The following EPHA5 variants were observed in gnomAD, a reference collection of about 807,000 sequenced individuals.
EPHA5 encodes EPH receptor A5.
Under a neutral mutation model 105.0 loss-of-function variants are expected in EPHA5, and 60 were observed. The ratio of observed to expected loss-of-function variants is 0.57; its 90% confidence interval spans 0.46 to 0.71. EPHA5 has a LOEUF of 0.71. Among genes scored for constraint, EPHA5 ranks in the 30% least tolerant of loss-of-function variants. The pLI is 0.00. For missense variants in EPHA5, 1,218 were observed against 1,274.7 expected, an observed-to-expected ratio of 0.96 and a Z score of 0.68; for synonymous variants, 513 against 449.1, an observed-to-expected ratio of 1.14 and a Z score of -1.80.
In EPHA5 at chr4:65,320,827, A is replaced by T. The variant is rs1395200349; in HGVS notation, c.*3287T>A. 2 of 230,142 alleles carry T rather than the reference A, an allele frequency of 8.7e-6. No individual in the cohort carries two copies. The highest frequency in any genetic ancestry group is 4.4e-5 in the African/African-American group (2 of 45,152). 14.3% of individuals were successfully genotyped at this position (230,142 alleles called of 1,614,324 possible). A position where few individuals can be genotyped will look rare whatever the true frequency, so the allele number is the denominator to read the frequency against. ...ATTCTGTGTTGTTTAGGCAACTCTG[A>T]AACCAATAATGCTGGCCACACTTAA... On this transcript the variant is annotated 3_prime_UTR_variant, in exon 17 of 17. Transcript: ENST00000613740.
chr4:65,370,922 C>G (rs561793947), intron 8 of EPHA5, among the ~76,000 whole-genome samples: 1 of 152,184 alleles, frequency 6.6e-6, no homozygotes, highest in South Asian at 2.1e-4. Flanking sequence ...GAGACTGGTA[C>G]TCAGGCAGCA....
intron 2 of EPHA5, among the ~76,000 whole-genome samples, chr4:65,625,626 G>C (rs1490963425): frequency 2.6e-5 from 4 of 151,884 alleles, no homozygotes; most frequent in African/African-American, 9.7e-5. Context: ...AAAAGAACAT[G>C]GAAAAAATGA....
At chr4:65,640,857 A>C (rs896193444) in intron 2 of EPHA5, among the ~76,000 whole-genome samples, 5 of 152,118 alleles carry the variant, frequency 3.3e-5, no homozygotes, top group African/African-American at 1.2e-4. Flanking sequence ...TGGCCTTATA[A>C]ATTCCAAATA....
At chr4:65,389,621 A>G (rs897834987) in intron 8 of EPHA5, among the ~76,000 whole-genome samples, 7 of 152,052 alleles carry the variant, frequency 4.6e-5, no homozygotes, top group Admixed American at 4.6e-4. Flanking sequence ...TCTGTGCATT[A>G]TCTATGGAGA....
intron 15 of EPHA5, among the ~76,000 whole-genome samples, chr4:65,334,198 T>A (rs1360333840): frequency 1.3e-5 from 2 of 151,982 alleles, no homozygotes; most frequent in African/African-American, 4.8e-5. Context: ...AGGCAAATAC[T>A]TAGGTCTATT....
At chr4:65,419,640 A>G (rs1278203743) in intron 6 of EPHA5, among the ~76,000 whole-genome samples, 1 of 152,152 alleles carries the variant, frequency 6.6e-6, no homozygotes, top group Non-Finnish European at 1.5e-5. Flanking sequence ...TATGCCATTC[A>G]GGTCCAGCCA....
In EPHA5 at chr4:65,479,481, A is replaced by G. The variant is rs187472347; in HGVS notation, c.1402+10896T>C. Among the ~76,000 whole-genome samples the G allele has an allele frequency of 1.8e-3, 269 of 152,286 alleles. 2 individuals are homozygous for G. The highest frequency in any genetic ancestry group is 1.6e-3 in the Non-Finnish European group (109 of 68,014). On this transcript the variant is annotated intron_variant, in intron 5 of 16. Coordinates refer to ENST00000613740, the MANE Select transcript of EPHA5 (RefSeq NM_001281766.3). Reference sequence around the variant, plus strand: ...CACATTTCTTGGTGAAAAAAATAGAACTATATTAGGTACCTTGTATAGGGA... The same window carrying G: ...CACATTTCTTGGTGAAAAAAATAGAGCTATATTAGGTACCTTGTATAGGGA...
rs760801158 is a variant in EPHA5 at position 65,602,072 on chromosome 4, T to A, written c.479A>T (p.Asp160Val). 1.9e-6 allele frequency: 3 copies of A among 1,614,168 alleles called. No homozygotes were observed. The South Asian group carries it at 3.3e-5, about 18-fold the overall frequency. The change falls in exon 3 of 17, where the codon GAT becomes GTT. Residue 160 changes from aspartate (D) to valine (V), a missense_variant. Physicochemically the swap from Asp to Val is radical, Grantham distance 152. Around this residue, in one of 3 missense-constraint regions of EPHA5, gnomAD observed 233 missense variants for 227.5 expected, o/e 1.02. Coordinates refer to ENST00000613740, the MANE Select transcript of EPHA5 (RefSeq NM_001281766.3). ...TTCCTTGATGTTTCTCCCATTCTGATCATCTGACTCAAAGTAATACATATT... is the reference window on the plus strand; with the variant it reads ...TTCCTTGATGTTTCTCCCATTCTGAACATCTGACTCAAAGTAATACATATT... ...TFNMYYFESD[D>V]QNGRNIKENQ...
rs916743869 is a variant in EPHA5 at position 65,579,825 on chromosome 4, G to A, written c.910+21816C>T. On this transcript the variant is annotated intron_variant, in intron 3 of 16. Transcript: ENST00000613740. ...AATAATAGAACCTCCTGAGTTAGCC[G>A]ATCAATGTAAACATACACATCTATA... Among the ~76,000 whole-genome samples the A allele has an allele frequency of 4.0e-5, 6 of 151,796 alleles. No individual in the cohort carries two copies. In the South Asian group the frequency reaches 8.3e-4, roughly 21 times the overall value.
chr4:65,529,901 A>T (rs1448920077), intron 3 of EPHA5, among the ~76,000 whole-genome samples: 2 of 152,124 alleles, frequency 1.3e-5, no homozygotes, highest in Non-Finnish European at 2.9e-5. Flanking sequence ...ATTTAAAATA[A>T]TATCGAAATT....
intron 5 of EPHA5, among the ~76,000 whole-genome samples, chr4:65,426,288 C>T (rs1215469810): frequency 6.6e-6 from 1 of 152,080 alleles, no homozygotes; most frequent in Non-Finnish European, 1.5e-5. Context: ...TAAATTTGTC[C>T]TGCCTCAGAC....
chr4:65,538,110 T>C (rs751064635), intron 3 of EPHA5, among the ~76,000 whole-genome samples: 2 of 151,794 alleles, frequency 1.3e-5, no homozygotes, highest in Non-Finnish European at 2.9e-5. Context: ...TCATTTAGTT[T>C]CCTTGTCTTT....
chr4:65,438,046 G>A (rs1725652582), intron 5 of EPHA5, among the ~76,000 whole-genome samples: 1 of 151,822 alleles, frequency 6.6e-6, no homozygotes. Flanking sequence ...CATCATAGTA[G>A]GATCATTCTT....
Position 65,482,439 on chromosome 4 carries a change from A to T in EPHA5, c.1402+7938T>A, listed in dbSNP as rs140441335. Among the ~76,000 whole-genome samples the T allele has an allele frequency of 2.1e-3, 325 of 152,280 alleles. 1 individual carries two copies. The highest frequency in any genetic ancestry group is 7.5e-3 in the African/African-American group (313 of 41,554). On this transcript the variant is annotated intron_variant, in intron 5 of 16. Coordinates refer to ENST00000613740, the MANE Select transcript of EPHA5 (RefSeq NM_001281766.3). ...AAAAACTCTATAATTTATATTTTCT[A>T]TACTGGGGAACACAGACATTGAAGC...
intron 9 of EPHA5, among the ~76,000 whole-genome samples, chr4:65,367,103 C>T (rs960192398): frequency 1.6e-4 from 24 of 151,278 alleles, no homozygotes; most frequent in African/African-American, 5.1e-4. Flanking sequence ...TTATATTAAG[C>T]AAAAAGTTTT....
chr4:65,481,873 T>G (rs1730398252), intron 5 of EPHA5, among the ~76,000 whole-genome samples: 1 of 152,204 alleles, frequency 6.6e-6, no homozygotes, highest in South Asian at 2.1e-4. Context: ...CTTCAATTAG[T>G]TGACCAAAAT....
rs1280559593 is a variant in EPHA5 at position 65,348,791 on chromosome 4, GTGTA to G, written c.2446-592_2446-589del. On this transcript the variant is annotated intron_variant, in intron 13 of 16. Transcript: ENST00000613740. ...TATATGTGTGTGCATGTGTGTGTGT[GTGTA>G]TATATATATATATATATATATTTTT... 2.4e-3 allele frequency among the ~76,000 whole-genome samples: 48 copies of G among 19,892 alleles called. 2 individuals are homozygous for G. Among genetic ancestry groups the G allele is most frequent in the East Asian group, 4.8e-3 (2 of 420 alleles). The allele number at this position is 19,892 out of a possible 152,430, so 13.0% of individuals were successfully genotyped here. A position where few individuals can be genotyped will look rare whatever the true frequency, so the allele number is the denominator to read the frequency against.
intron 11 of EPHA5, among the ~76,000 whole-genome samples, chr4:65,357,103 T>A (rs1255499916): frequency 6.6e-6 from 1 of 151,514 alleles, no homozygotes; most frequent in African/African-American, 2.4e-5. Context: ...AATACATTAT[T>A]TGAGAAATTT....
At chr4:65,398,281 G>C (rs1198415046) in intron 8 of EPHA5, among the ~76,000 whole-genome samples, 5 of 152,200 alleles carry the variant, frequency 3.3e-5, no homozygotes, top group East Asian at 1.9e-4. Flanking sequence ...CACACTTGGG[G>C]TGGTGCTGAC....
Sources: allele counts gnomAD v4.1 joint callset (sites outside exome capture counted in the v4.1 genomes callset), GRCh38; gene constraint gnomAD v4.1.1; regional missense constraint gnomAD v4.1.1; transcripts MANE v1.5; gene names NCBI Gene and HGNC (gene_info 2026-07-23, HGNC 2026-07-21).